The following TSNARE1 variants were observed in gnomAD, a reference collection of about 807,000 sequenced individuals.
The protein encoded by TSNARE1 is t-SNARE domain-containing protein 1.
A neutral mutation model predicts 62.0 loss-of-function variants in TSNARE1; 49 were observed. That is an observed-to-expected ratio of 0.79 (90% CI 0.63 to 1.00). The LOEUF is 1.00. Among genes scored for constraint, TSNARE1 ranks in the 50% least tolerant of loss-of-function variants. TSNARE1 has a pLI of 0.00. For synonymous variants in TSNARE1, 328 were observed against 294.4 expected (o/e 1.11, Z -1.17); for missense variants, 755 against 700.1 (o/e 1.08, Z -0.88).
At chr8:142,306,741 T>C (rs569428221) in intron 9 of TSNARE1, among the ~76,000 whole-genome samples, 1 of 152,344 alleles carries the variant, frequency 6.6e-6, no homozygotes, top group Non-Finnish European at 1.5e-5. Flanking sequence ...TCATTTATAG[T>C]TTGCAAATTC....
chr8:142,351,346 A>G (rs1448915451), intron 2 of TSNARE1, among the ~76,000 whole-genome samples: 1 of 152,268 alleles, frequency 6.6e-6, no homozygotes, highest in East Asian at 1.9e-4. Flanking sequence ...CATTTGGAAA[A>G]TGTAATATTC....
intron 1 of TSNARE1, among the ~76,000 whole-genome samples, chr8:142,360,420 G>A (rs1032671732): frequency 4.6e-5 from 7 of 152,138 alleles, no homozygotes; most frequent in East Asian, 3.9e-4. Flanking sequence ...AGCTGGCAGC[G>A]GGGCCAGGAC....
intron 10 of TSNARE1, 28 bp from the exon 11 acceptor site, chr8:142,284,513 G>A: frequency 1.2e-6 from 2 of 1,601,450 alleles, no homozygotes; most frequent in Non-Finnish European, 1.7e-6. Flanking sequence ...AACCACATCA[G>A]GAGCAGGGCT....
chr8:142,367,825 C>T (rs1055932121), intron 1 of TSNARE1, among the ~76,000 whole-genome samples: 3 of 152,022 alleles, frequency 2.0e-5, no homozygotes, highest in African/African-American at 4.8e-5. Context: ...ATGATAAATG[C>T]GGCATCACAA....
intron 11 of TSNARE1, chr8:142,280,153 T>C: frequency 5.1e-6 from 5 of 985,426 alleles, no homozygotes; most frequent in Non-Finnish European, 6.0e-6. Context: ...CCGCACCCTC[T>C]GCACCAGCAC....
intron 12 of TSNARE1, among the ~76,000 whole-genome samples, chr8:142,260,972 GGGAGGGAGGGAGGAGAGAGGGAGGGGGGT>G (rs1300497540): frequency 1.7e-3 from 4 of 2,330 alleles, no homozygotes; most frequent in East Asian, 0.01. Flanking sequence ...CAGTCAGGGA[GGGAGGGAGGGAGGAGAGAGGGAGGGGGGT>G]GGGGAGGGAG....
intron 12 of TSNARE1, among the ~76,000 whole-genome samples, chr8:142,265,229 C>A (rs1819073607): frequency 6.6e-6 from 1 of 152,132 alleles, no homozygotes; most frequent in Admixed American, 6.5e-5. Context: ...GGCTCTCCTG[C>A]AGCCTTTTAC....
chr8:142,294,218 A>G (rs1824290653), intron 10 of TSNARE1, among the ~76,000 whole-genome samples: 1 of 152,018 alleles, frequency 6.6e-6, no homozygotes, highest in Non-Finnish European at 1.5e-5. Context: ...AGCAAAGGCC[A>G]AGAGGGTGCC....
At chr8:142,274,600 A>G in intron 12 of TSNARE1, 181 bp downstream of exon 12, 1 of 985,432 alleles carries the variant, frequency 1.0e-6, no homozygotes, top group Non-Finnish European at 1.2e-6. Context: ...CTGCTGCCGC[A>G]ACCCCGCCAC....
At chr8:142,398,053 C>T (rs1838018603) in intron 1 of TSNARE1, among the ~76,000 whole-genome samples, 1 of 152,166 alleles carries the variant, frequency 6.6e-6, no homozygotes, top group Non-Finnish European at 1.5e-5. Flanking sequence ...GTCAGACCTG[C>T]CTACTAGGAG....
chr8:142,283,762 A>G (rs1424741873), intron 11 of TSNARE1, among the ~76,000 whole-genome samples: 6 of 123,278 alleles, frequency 4.9e-5, no homozygotes, highest in Non-Finnish European at 7.2e-5. Context: ...GAGCAGAGGC[A>G]GGGACAGCGT....
At chr8:142,222,492 C>CAACT (rs1816375874) in intron 13 of TSNARE1, among the ~76,000 whole-genome samples, 1 of 15,978 alleles carries the variant, frequency 6.3e-5, no homozygotes, top group Non-Finnish European at 1.3e-4. Context: ...ACTCACTCAT[C>CAACT]CACTCACTCA....
At chr8:142,377,319 C>T (rs1334599495) in intron 1 of TSNARE1, among the ~76,000 whole-genome samples, 1 of 151,992 alleles carries the variant, frequency 6.6e-6, no homozygotes, top group African/African-American at 2.4e-5. Context: ...GCAACGTTAT[C>T]CACACACACG....
chr8:142,339,622 C>T (rs1832254666), intron 4 of TSNARE1, among the ~76,000 whole-genome samples: 1 of 152,220 alleles, frequency 6.6e-6, no homozygotes, highest in Admixed American at 6.5e-5. Flanking sequence ...GTGACTAAAC[C>T]CCAAGCTGCC....
intron 13 of TSNARE1, among the ~76,000 whole-genome samples, chr8:142,214,315 C>A (rs554095864): frequency 6.6e-6 from 1 of 152,224 alleles, no homozygotes; most frequent in African/African-American, 2.4e-5. Context: ...CCCTTCATTC[C>A]GCCATGGGGC....
Position 142,319,994 on chromosome 8 carries a change from C to T in TSNARE1, c.894-1360G>A, listed in dbSNP as rs1028574362. 2.0e-5 allele frequency among the ~76,000 whole-genome samples: 3 copies of T among 152,152 alleles called. No homozygotes were observed. Among genetic ancestry groups the T allele is most frequent in the Non-Finnish European group, 4.4e-5 (3 of 68,010 alleles). Reference sequence around the variant, plus strand: ...CCTCCAGCTCCCAAACACGCCTCTTCGGCCAACCACTGGCTTAACACTGTG... The same window carrying T: ...CCTCCAGCTCCCAAACACGCCTCTTTGGCCAACCACTGGCTTAACACTGTG... On this transcript the variant is annotated intron_variant, in intron 6 of 13. Transcript: ENST00000524325. The surrounding 1 kb of genome is among the most constrained non-coding windows in gnomAD (Gnocchi z 4.9).
chr8:142,222,543 TTCACTCAC>T lies in TSNARE1; in HGVS notation c.*11+6922_*11+6929del, dbSNP rs1224713872. ...ACTCATCCACTCACTCACTCACTCA[TTCACTCAC>T]TCACTCACTCATTCACTCACTCAGC... On this transcript the variant is annotated intron_variant, in intron 13 of 13. Coordinates refer to ENST00000524325, the MANE Select transcript of TSNARE1 (RefSeq NM_145003.5). 6.5e-5 allele frequency among the ~76,000 whole-genome samples: 4 copies of T among 62,014 alleles called. 1 individual carries two copies. Among genetic ancestry groups the T allele is most frequent in the Non-Finnish European group, 1.2e-4 (4 of 34,012 alleles). 40.7% of individuals were successfully genotyped at this position (62,014 alleles called of 152,430 possible). A position where few individuals can be genotyped will look rare whatever the true frequency, so the allele number is the denominator to read the frequency against.
At chr8:142,374,722 C>T (rs1423060242) in intron 1 of TSNARE1, among the ~76,000 whole-genome samples, 1 of 151,478 alleles carries the variant, frequency 6.6e-6, no homozygotes, top group East Asian at 1.9e-4. Context: ...GAATTATGGC[C>T]CCTGGAGAGT....
In TSNARE1 at chr8:142,226,985, C is replaced by A. The variant is rs188492531; in HGVS notation, c.*11+2488G>T. ...CACCCACACGGCAGTGACAGCAAGG[C>A]CCCCCACTGCACCCACACAGCAGTG... On this transcript the variant is annotated intron_variant, in intron 13 of 13. Transcript: ENST00000524325. Among the ~76,000 whole-genome samples, 347 of 113,686 alleles carry A rather than the reference C, an allele frequency of 3.1e-3. 4 individuals carry two copies. The highest frequency in any genetic ancestry group is 6.7e-3 in the South Asian group (24 of 3,586). The allele number at this position is 113,686 out of a possible 152,430, so 74.6% of individuals were successfully genotyped here.
Sources: allele counts gnomAD v4.1 joint callset (sites outside exome capture counted in the v4.1 genomes callset), GRCh38; gene constraint gnomAD v4.1.1; non-coding constraint Gnocchi (gnomAD v3.1); transcripts MANE v1.5; gene names NCBI Gene and HGNC (gene_info 2026-07-23, HGNC 2026-07-21).